Variants in AKR1C4 observed in about 807,000 individuals in gnomAD.
The protein encoded by AKR1C4 is aldo-keto reductase family 1 member C4.
A neutral mutation model predicts 41.0 loss-of-function variants in AKR1C4; 44 were observed. That is an observed-to-expected ratio of 1.07 (90% confidence interval 0.84 to 1.38). The LOEUF is 1.38. Ranked by LOEUF, AKR1C4 falls within the 40% of genes most tolerant of loss-of-function variation. The pLI is 0.00. For missense variants in AKR1C4, 438 were observed against 387.9 expected, an observed-to-expected ratio of 1.13 and a Z score of -1.09; for synonymous variants, 165 against 137.7, an observed-to-expected ratio of 1.20 and a Z score of -1.39.
chr10:5,204,084 T>C (rs1554797203), intron 2 of AKR1C4, among the ~76,000 whole-genome samples: 1 of 152,206 alleles, frequency 6.6e-6, no homozygotes, highest in African/African-American at 2.4e-5. Context: ...TGAGAAAAAT[T>C]AGACTATTCA....
chr10:5,197,714 T>G (rs1832332593), intron 1 of AKR1C4, among the ~76,000 whole-genome samples: 1 of 152,202 alleles, frequency 6.6e-6, no homozygotes, highest in Non-Finnish European at 1.5e-5. Context: ...CTACTAAGTG[T>G]GTTAATAAGG....
At chr10:5,212,949 C>T in intron 6 of AKR1C4, 45 bp from the exon 7 acceptor site, 1 of 1,602,438 alleles carries the variant, frequency 6.2e-7, no homozygotes, top group South Asian at 1.1e-5. Flanking sequence ...TCCTACCAAA[C>T]TGAATCCAGC....
intron 5 of AKR1C4, chr10:5,207,505 T>G (rs1564402450): frequency 6.8e-6 from 3 of 439,540 alleles, no homozygotes; most frequent in Non-Finnish European, 1.3e-5. Context: ...AAACTGAACT[T>G]TATAAAATAG....
chr10:5,214,056 AAT>A (rs1554798231), intron 7 of AKR1C4, among the ~76,000 whole-genome samples: 1 of 151,994 alleles, frequency 6.6e-6, no homozygotes, highest in African/African-American at 2.4e-5. Flanking sequence ...AATACAAAGT[AAT>A]ATATTATTGT....
chr10:5,210,311 TC>T (rs1832552857), intron 5 of AKR1C4, among the ~76,000 whole-genome samples: 1 of 152,208 alleles, frequency 6.6e-6, no homozygotes, highest in Non-Finnish European at 1.5e-5. Flanking sequence ...GGGTACAGCC[TC>T]CCTTCTGGCT....
chr10:5,197,922 G>C (rs567589962), intron 1 of AKR1C4, among the ~76,000 whole-genome samples: 2 of 152,240 alleles, frequency 1.3e-5, no homozygotes, highest in Non-Finnish European at 1.5e-5. Context: ...CAGAGGATCA[G>C]GGTTGGCATC....
chr10:5,210,133 A>G (rs1832549467), intron 5 of AKR1C4, among the ~76,000 whole-genome samples: 1 of 152,220 alleles, frequency 6.6e-6, no homozygotes, highest in Admixed American at 6.5e-5. Flanking sequence ...AAGGGGCTAC[A>G]TGACCCATGC....
chr10:5,205,678 T>C, intron 3 of AKR1C4, 79 bp from the exon 4 acceptor site: 4 of 1,256,014 alleles, frequency 3.2e-6, no homozygotes, highest in Non-Finnish European at 4.5e-6. Flanking sequence ...GGTGGATTAT[T>C]ATCCTAAAAT....
intron 1 of AKR1C4, among the ~76,000 whole-genome samples, chr10:5,199,475 C>G (rs1469254999): frequency 6.6e-6 from 1 of 152,118 alleles, no homozygotes; most frequent in Non-Finnish European, 1.5e-5. Flanking sequence ...CCTGCCATGC[C>G]CCCATCCTGT....
chr10:5,210,884 A>G (rs1554797860), intron 5 of AKR1C4, among the ~76,000 whole-genome samples: 1 of 152,226 alleles, frequency 6.6e-6, no homozygotes, highest in African/African-American at 2.4e-5. Context: ...TGCTGGGATT[A>G]CAGGCGTGAG....
At chr10:5,218,684 A>C (rs567899942) in intron 8 of AKR1C4, 34 bp from the exon 9 acceptor site, 1 of 1,529,046 alleles carries the variant, frequency 6.5e-7, no homozygotes, top group Admixed American at 1.7e-5. Context: ...GAGTCATTTC[A>C]TCCATATTTA....
rs1554798564 is a variant in AKR1C4 at position 5,216,802 on chromosome 10, C to T, written c.929+9C>T. The T allele has an allele frequency of 1.3e-6, 2 of 1,594,990 alleles. No homozygotes were observed. Among genetic ancestry groups the T allele is most frequent in the South Asian group, 2.2e-5 (2 of 89,096 alleles). On this transcript the variant is annotated intron_variant, in intron 8 of 8. Coordinates refer to ENST00000263126, the MANE Select transcript of AKR1C4 (RefSeq NM_001818.5). ...TATGTTGTCATGGATTTGTAAGTAA[C>T]TTTGGAAAATGGGTTTCCCAGTTTA... is the stretch of plus-strand genomic sequence containing the variant.
chr10:5,198,067 C>A (rs1213940002), intron 1 of AKR1C4, among the ~76,000 whole-genome samples: 5 of 152,182 alleles, frequency 3.3e-5, no homozygotes, highest in Admixed American at 1.3e-4. Flanking sequence ...CCTTTCAAAT[C>A]TTTATCCAAA....
At chr10:5,199,315 G>T (rs555851301) in intron 1 of AKR1C4, among the ~76,000 whole-genome samples, 1 of 151,972 alleles carries the variant, frequency 6.6e-6, no homozygotes, top group Non-Finnish European at 1.5e-5. Context: ...GGAAGAGCGT[G>T]GTCCCTTTAA....
chr10:5,198,592 T>C (rs1832349599), intron 1 of AKR1C4, among the ~76,000 whole-genome samples: 1 of 152,190 alleles, frequency 6.6e-6, no homozygotes, highest in Admixed American at 6.5e-5. Flanking sequence ...AATGTGATGC[T>C]GGAGGAAGTC....
intron 1 of AKR1C4, among the ~76,000 whole-genome samples, chr10:5,199,461 C>G (rs139472354): frequency 0.075 from 11,366 of 152,216 alleles, 529 homozygotes; most frequent in Admixed American, 0.13. Context: ...CAAGACCACC[C>G]TGGCCTGCCA....
At position 5,206,336 on chromosome 10, in the gene AKR1C4, G is replaced by A. The variant is rs17851824; in HGVS notation, c.509G>A (p.Cys170Tyr). Reference protein sequence around the residue: ...AKSIGVSNFNCRQLEMILNKP... With the variant: ...AKSIGVSNFNYRQLEMILNKP... Reference sequence around the variant, plus strand: ...TCCATCGGGGTGTCAAACTTCAACTGCAGGCAGCTGGAGATGATCCTCAAC... The same window carrying A: ...TCCATCGGGGTGTCAAACTTCAACTACAGGCAGCTGGAGATGATCCTCAAC... The change falls in exon 5 of 9, where the codon TGC (cysteine) becomes TAC (tyrosine). Residue 170 changes from cysteine (C) to tyrosine (Y), a missense_variant. Transcript: ENST00000263126. 2 of 1,613,946 alleles carry A rather than the reference G, an allele frequency of 1.2e-6. No homozygotes were observed. The highest frequency in any genetic ancestry group is 1.1e-5 in the South Asian group (1 of 91,086).
intron 2 of AKR1C4, 140 bp from the exon 3 acceptor site, chr10:5,204,237 A>G: frequency 3.0e-6 from 2 of 665,030 alleles, no homozygotes; most frequent in Non-Finnish European, 2.7e-6. Flanking sequence ...TAGGTAGGTC[A>G]TATCAAAATA....
rs538897126 is a variant in AKR1C4, at chr10:5,206,055, C to T, written c.448-220C>T. On this transcript the variant is annotated intron_variant, in intron 4 of 8. Transcript: ENST00000263126. ...GGACAAGGAAGACAGATATTCCTCCCGCTCCATGGACATTTATCTCTCCAG... is the reference window on the plus strand; with the variant it reads ...GGACAAGGAAGACAGATATTCCTCCTGCTCCATGGACATTTATCTCTCCAG... Among the ~76,000 whole-genome samples, 7 of 152,246 alleles carry T rather than the reference C, an allele frequency of 4.6e-5. No homozygotes were observed. The East Asian group carries it at 5.8e-4, about 13-fold the overall frequency.
Sources: allele counts gnomAD v4.1 joint callset (sites outside exome capture counted in the v4.1 genomes callset), GRCh38; gene constraint gnomAD v4.1.1; transcripts MANE v1.5; gene names NCBI Gene and HGNC (gene_info 2026-07-23, HGNC 2026-07-21).